The following BEGAIN variants were observed in gnomAD, a reference collection of about 807,000 sequenced individuals.
BEGAIN encodes brain-enriched guanylate kinase-associated protein.
Under a neutral mutation model 35.8 loss-of-function variants are expected in BEGAIN, and 19 were observed. The ratio of observed to expected loss-of-function variants is 0.53; its 90% confidence interval spans 0.37 to 0.78. BEGAIN has a LOEUF of 0.78. Among genes scored for constraint, BEGAIN ranks in the 30% least tolerant of loss-of-function variants. The pLI is 0.00. For synonymous variants in BEGAIN, 462 were observed against 388.6 expected, an observed-to-expected ratio of 1.19 and a Z score of -2.22; for missense variants, 795 against 853.6, an observed-to-expected ratio of 0.93 and a Z score of 0.85.
At chr14:100,564,013 G>A (rs748297421) in intron 2 of BEGAIN, among the ~76,000 whole-genome samples, 1 of 152,054 alleles carries the variant, frequency 6.6e-6, no homozygotes, top group Non-Finnish European at 1.5e-5. Flanking sequence ...GAACCACGAG[G>A]ACAGCAAGGA....
chr14:100,542,551 C>T (rs557195618), intron 5 of BEGAIN, among the ~76,000 whole-genome samples: 95 of 152,354 alleles, frequency 6.2e-4, no homozygotes, highest in African/African-American at 1.8e-3. Flanking sequence ...AGCTCCTGTC[C>T]CTCCCCAGCT....
In BEGAIN at chr14:100,537,808, G is replaced by T; in HGVS notation, c.*161C>A. On this transcript the variant is annotated 3_prime_UTR_variant, in exon 7 of 7. Coordinates refer to ENST00000554140, the MANE Select transcript of BEGAIN (RefSeq NM_001385089.1). Reference sequence around the variant, plus strand: ...CGTGGTGTGGGGGACCCTCCCCTCAGGCCTACAGGGCTGGGGAGGAGAGGA... The same window carrying T: ...CGTGGTGTGGGGGACCCTCCCCTCATGCCTACAGGGCTGGGGAGGAGAGGA... 2 of 1,145,704 alleles carry T rather than the reference G, an allele frequency of 1.7e-6. No homozygotes were observed. The highest frequency in any genetic ancestry group is 1.2e-6 in the Non-Finnish European group (1 of 850,062). The allele number at this position is 1,145,704 out of a possible 1,614,324, so 71.0% of individuals were successfully genotyped here.
At chr14:100,557,830 C>T (rs2033893275) in intron 2 of BEGAIN, among the ~76,000 whole-genome samples, 1 of 152,172 alleles carries the variant, frequency 6.6e-6, no homozygotes, top group Non-Finnish European at 1.5e-5. Flanking sequence ...CCTCCCCATC[C>T]CCACTCAGGC....
At chr14:100,584,854 G>C (rs2035398701) in intron 1 of BEGAIN, among the ~76,000 whole-genome samples, 1 of 152,102 alleles carries the variant, frequency 6.6e-6, no homozygotes, top group Admixed American at 6.5e-5. Flanking sequence ...GGAGTCAGAA[G>C]AGAACCATGC....
chr14:100,569,770 A>G (rs1281558154), intron 1 of BEGAIN: 1 of 154,696 alleles, frequency 6.5e-6, no homozygotes, highest in Admixed American at 6.5e-5. Context: ...GTTCTCCAGC[A>G]GAGAGGGGAC....
chr14:100,544,113 A>T (rs2032032399), intron 4 of BEGAIN, 148 bp from the exon 5 acceptor site: 1 of 615,574 alleles, frequency 1.6e-6, no homozygotes, highest in East Asian at 2.8e-5. Flanking sequence ...ATGAGCACAG[A>T]CAGACCCTGG....
intron 2 of BEGAIN, among the ~76,000 whole-genome samples, chr14:100,560,399 C>T (rs935133924): frequency 6.6e-6 from 1 of 152,234 alleles, no homozygotes; most frequent in Non-Finnish European, 1.5e-5. Context: ...TTCTCTCTTG[C>T]TCAGCAAAGC....
chr14:100,539,045 G>GGCAGTAGAGGGCTGTGTCACT lies in BEGAIN; in HGVS notation c.742_762dup (p.Ser248_Cys254dup). Reference sequence around the variant, plus strand: ...CGCCGGTCTCGCCGCCGCTCCTCCGGGCAGTAGAGGGCTGTGTCACTGCAG... The same window carrying GGCAGTAGAGGGCTGTGTCACT: ...CGCCGGTCTCGCCGCCGCTCCTCCGGGCAGTAGAGGGCTGTGTCACTGCAGTAGAGGGCTGTGTCACTGCAG... On this transcript the variant is annotated inframe_insertion, in exon 7 of 7. Coordinates refer to ENST00000554140, the MANE Select transcript of BEGAIN (RefSeq NM_001385089.1). The GGCAGTAGAGGGCTGTGTCACT allele has an allele frequency of 1.2e-6, 2 of 1,612,382 alleles. No individual in the cohort carries two copies. The highest frequency in any genetic ancestry group is 2.2e-5 in the South Asian group (2 of 91,024).
chr14:100,568,841 T>C lies in BEGAIN; in HGVS notation c.43-902A>G. ...CCCCGGGGCTTTGCCCGTCTTTCTG[T>C]GCCGTGACTGGCACTCAAGGGGGAC... On this transcript the variant is annotated intron_variant, in intron 1 of 6. Coordinates refer to ENST00000554140, the MANE Select transcript of BEGAIN (RefSeq NM_001385089.1). The surrounding 1 kb of genome is among the most constrained non-coding windows in gnomAD (Gnocchi z 7.5). The C allele has an allele frequency of 1.0e-6, 1 of 985,488 alleles. No homozygotes were observed. Among genetic ancestry groups the C allele is most frequent in the African/African-American group, 1.7e-5 (1 of 57,214 alleles). 61.0% of individuals were successfully genotyped at this position (985,488 alleles called of 1,614,324 possible).
In BEGAIN at chr14:100,537,798, CCT is replaced by C; in HGVS notation, c.*169_*170del. Reference sequence around the variant, plus strand: ...GGGTGGACACCGTGGTGTGGGGGACCCTCCCCTCAGGCCTACAGGGCTGGGGA... The same window carrying C: ...GGGTGGACACCGTGGTGTGGGGGACCCCCCTCAGGCCTACAGGGCTGGGGA... On this transcript the variant is annotated 3_prime_UTR_variant, in exon 7 of 7. Coordinates refer to ENST00000554140, the MANE Select transcript of BEGAIN (RefSeq NM_001385089.1). 9.5e-7 allele frequency: 1 copy of C among 1,056,656 alleles called. No individual in the cohort carries two copies. Among genetic ancestry groups the C allele is most frequent in the Non-Finnish European group, 1.3e-6 (1 of 775,782 alleles). The allele number at this position is 1,056,656 out of a possible 1,614,324, so 65.5% of individuals were successfully genotyped here.
chr14:100,539,203 A>C lies in BEGAIN; in HGVS notation c.605T>G (p.Ile202Ser), dbSNP rs770839056. The C allele has an allele frequency of 1.3e-6, 2 of 1,582,948 alleles. No homozygotes were observed. Among genetic ancestry groups the C allele is most frequent in the South Asian group, 2.3e-5 (2 of 86,216 alleles). Residue 202 changes from isoleucine (I) to serine (S), a missense_variant, in exon 7 of 7, where the codon ATT (isoleucine) becomes AGT (serine). Coordinates refer to ENST00000554140, the MANE Select transcript of BEGAIN (RefSeq NM_001385089.1). ...AYADSVPTCV[I>S]AKVLEKPDPA... ...GTCCGGCTTCTCCAGCACCTTGGCA[A>C]TGACGCAGGTGGGGACGCTGTCGGC...
chr14:100,559,687 G>GA (rs1182886878), intron 2 of BEGAIN, among the ~76,000 whole-genome samples: 1 of 152,238 alleles, frequency 6.6e-6, no homozygotes, highest in Non-Finnish European at 1.5e-5. Context: ...CAGCTGATCA[G>GA]AGCGGTGGAC....
chr14:100,567,766 C>G lies in BEGAIN; in HGVS notation c.71+145G>C. 1 of 720,418 alleles carries G rather than the reference C, an allele frequency of 1.4e-6. No individual in the cohort carries two copies. Among genetic ancestry groups the G allele is most frequent in the South Asian group, 3.2e-5 (1 of 31,438 alleles). 44.6% of individuals were successfully genotyped at this position (720,418 alleles called of 1,614,324 possible). The stretch of plus-strand genomic sequence containing the variant: ...GCGGCGCGCACACACGCACCACACA[C>G]ACGCACCTGGCCCGCAGCCCCGCCG... On this transcript the variant is annotated intron_variant, in intron 2 of 6. Transcript: ENST00000554140. The surrounding 1 kb of genome is among the most constrained non-coding windows in gnomAD (Gnocchi z 5.1).
chr14:100,581,981 T>C (rs1418502608), intron 1 of BEGAIN, among the ~76,000 whole-genome samples: 3 of 152,222 alleles, frequency 2.0e-5, no homozygotes, highest in African/African-American at 7.2e-5. Context: ...TAGGAGCAGC[T>C]ACCCCGCTTC....
chr14:100,545,219 C>T (rs1481408176), intron 3 of BEGAIN, 153 bp from the exon 4 acceptor site: 1 of 1,493,794 alleles, frequency 6.7e-7, no homozygotes, highest in African/African-American at 1.4e-5. Flanking sequence ...TGCCCCTCTG[C>T]ACACAGCAGA....
At position 100,586,639 on chromosome 14, in the gene BEGAIN, C is replaced by T. The variant is rs1308871706; in HGVS notation, c.42+610G>A. Among the ~76,000 whole-genome samples the T allele has an allele frequency of 6.6e-6, 1 of 152,176 alleles. No individual in the cohort carries two copies. The highest frequency in any genetic ancestry group is 1.5e-5 in the Non-Finnish European group (1 of 68,028). On this transcript the variant is annotated intron_variant, in intron 1 of 6. Transcript: ENST00000554140. This position sits in a 1 kb window ranked among gnomAD's most constrained non-coding sequence, Gnocchi z 4.9. ...CCGGCTGAGCCGCTCTGGGCGAGGC[C>T]CTGGCCTCCCTGAGCCTCAGTTTCC... is the stretch of plus-strand genomic sequence containing the variant.
intron 2 of BEGAIN, among the ~76,000 whole-genome samples, chr14:100,565,119 C>CA (rs2034581204): frequency 1.3e-5 from 2 of 152,226 alleles, no homozygotes; most frequent in African/African-American, 4.8e-5. Flanking sequence ...GCCTCTGTCC[C>CA]CGGCACTGGA....
Position 100,567,878 on chromosome 14 carries a change from C to A in BEGAIN, c.71+33G>T. 2 of 1,465,318 alleles carry A rather than the reference C, an allele frequency of 1.4e-6. No homozygotes were observed. Among genetic ancestry groups the A allele is most frequent in the African/African-American group, 1.5e-5 (1 of 67,214 alleles). 90.8% of individuals were successfully genotyped at this position (1,465,318 alleles called of 1,614,324 possible). ...GCGCCCTCACCCCCGACCCGGCCCC[C>A]GCGAGCCGCGGCACGGGAGACGCTC... is the stretch of plus-strand genomic sequence containing the variant. On this transcript the variant is annotated intron_variant, in intron 2 of 6. Coordinates refer to ENST00000554140, the MANE Select transcript of BEGAIN (RefSeq NM_001385089.1). This position sits in a 1 kb window ranked among gnomAD's most constrained non-coding sequence, Gnocchi z 5.1.
intron 1 of BEGAIN, among the ~76,000 whole-genome samples, chr14:100,580,341 C>T (rs998288872): frequency 1.3e-5 from 2 of 151,996 alleles, no homozygotes; most frequent in African/African-American, 4.8e-5. Flanking sequence ...TAAATAAAAT[C>T]ACAGGCCAGG....
Sources: gnomAD v4.1 joint callset for allele counts (sites outside exome capture counted in the v4.1 genomes callset) on GRCh38, gnomAD v4.1.1 for gene constraint, Gnocchi (gnomAD v3.1) non-coding constraint, MANE v1.5 for transcripts, NCBI Gene and HGNC (gene_info 2026-07-23, HGNC 2026-07-21) for gene names.